The following PCSK2 variants were observed in gnomAD, a reference collection of about 807,000 sequenced individuals.
PCSK2 encodes proprotein convertase subtilisin/kexin type 2, also known as neuroendocrine convertase 2.
A neutral mutation model predicts 69.7 loss-of-function variants in PCSK2; 14 were observed. The ratio of observed to expected loss-of-function variants is 0.20; its 90% CI spans 0.13 to 0.31. PCSK2 has a LOEUF of 0.31. Among genes scored for constraint, PCSK2 ranks in the 10% least tolerant of loss-of-function variants. The probability of loss-of-function intolerance (pLI) is 1.00; values close to 1 mark genes in which losing one functional copy is unlikely to be tolerated. For synonymous variants in PCSK2, 307 were observed against 320.7 expected (o/e 0.96, Z 0.46); for missense variants, 544 against 842.5 (o/e 0.65, Z 4.39).
intron 5 of PCSK2, among the ~76,000 whole-genome samples, chr20:17,372,239 C>T (rs752495486): frequency 4.6e-4 from 70 of 152,048 alleles, no homozygotes; most frequent in South Asian, 6.2e-4. Context: ...ATTAGCCGGG[C>T]GTGGTGGCAT....
At chr20:17,442,900 C>T (rs2032626510) in intron 8 of PCSK2, among the ~76,000 whole-genome samples, 1 of 152,186 alleles carries the variant, frequency 6.6e-6, no homozygotes, top group Non-Finnish European at 1.5e-5. Flanking sequence ...CTGCAAGTAA[C>T]AGCCACCCTT....
At chr20:17,386,587 C>G (rs1415318053) in intron 5 of PCSK2, among the ~76,000 whole-genome samples, 1 of 152,080 alleles carries the variant, frequency 6.6e-6, no homozygotes, top group Admixed American at 6.6e-5. Context: ...CTAGAGTAAT[C>G]AAACTCATAG....
At chr20:17,440,159 TTCC>T (rs1233491031) in intron 8 of PCSK2, among the ~76,000 whole-genome samples, 6 of 152,338 alleles carry the variant, frequency 3.9e-5, no homozygotes, top group Non-Finnish European at 7.3e-5. Context: ...GATGTCTCCA[TTCC>T]TCACTTTTTG....
intron 8 of PCSK2, among the ~76,000 whole-genome samples, chr20:17,449,244 G>A (rs1016989182): frequency 6.6e-6 from 1 of 152,096 alleles, no homozygotes; most frequent in African/African-American, 2.4e-5. Context: ...GATTAGGGTG[G>A]AGACCCCGCC....
intron 2 of PCSK2, among the ~76,000 whole-genome samples, chr20:17,353,463 C>CAA (rs372975691): frequency 1.5e-4 from 19 of 126,400 alleles, no homozygotes; most frequent in Admixed American, 1.6e-4. Context: ...GACTCCATCA[C>CAA]ACAAAAAAAA....
At chr20:17,385,345 ATAT>A (rs941390585) in intron 5 of PCSK2, among the ~76,000 whole-genome samples, 3 of 152,214 alleles carry the variant, frequency 2.0e-5, no homozygotes, top group Non-Finnish European at 4.4e-5. Flanking sequence ...AAACTGCTGA[ATAT>A]CTTGGGGGCA....
chr20:17,387,563 A>C, intron 5 of PCSK2, among the ~76,000 whole-genome samples: 1 of 152,304 alleles, frequency 6.6e-6, no homozygotes, highest in South Asian at 2.1e-4. Flanking sequence ...TCCTCATGAC[A>C]TGATAGCTGA....
rs1259930014 is a variant in PCSK2, at chr20:17,482,024, A to G, written c.1871A>G (p.Asp624Gly). 1 of 1,610,386 alleles carries G rather than the reference A, an allele frequency of 6.2e-7. No individual in the cohort carries two copies. The highest frequency in any genetic ancestry group is 8.5e-7 in the Non-Finnish European group (1 of 1,179,064). Residue 624 changes from aspartate to glycine, a missense_variant, in exon 12 of 12, where the codon GAC becomes GGC. This residue lies in a region of PCSK2 where 200 missense variants were observed against 287.8 expected (regional missense o/e 0.69). Coordinates refer to ENST00000262545, the MANE Select transcript of PCSK2 (RefSeq NM_002594.5). ...SKKEELEEEL[D>G]EAVERSLKSI... ...AAAGAGGAGCTGGAGGAAGAGCTGG[A>G]CGAAGCCGTGGAGAGAAGCCTGAAA...
chr20:17,351,936 A>T (rs781253903), intron 2 of PCSK2, among the ~76,000 whole-genome samples: 1 of 152,198 alleles, frequency 6.6e-6, no homozygotes, highest in Non-Finnish European at 1.5e-5. Context: ...ATATGATTCT[A>T]TACCTAGAAA....
chr20:17,434,612 A>G (rs893269379), intron 7 of PCSK2, among the ~76,000 whole-genome samples: 19 of 152,178 alleles, frequency 1.2e-4, no homozygotes, highest in Non-Finnish European at 2.5e-4. Flanking sequence ...TAAGAGCTGC[A>G]AAGAGGAAGA....
chr20:17,297,240 A>G (rs77126080), intron 2 of PCSK2, among the ~76,000 whole-genome samples: 12,564 of 152,262 alleles, frequency 0.083, 698 homozygotes, highest in South Asian at 0.28. Context: ...GAACAGTGCC[A>G]GACAGAGACG....
chr20:17,396,958 G>T (rs749312313), intron 5 of PCSK2, among the ~76,000 whole-genome samples: 133 of 152,302 alleles, frequency 8.7e-4, no homozygotes, highest in Admixed American at 5.1e-3. Context: ...TTCTAGGGCA[G>T]TTGCCTAAGT....
intron 6 of PCSK2, among the ~76,000 whole-genome samples, chr20:17,412,109 GA>G (rs1449221769): frequency 1.3e-5 from 2 of 152,134 alleles, no homozygotes; most frequent in African/African-American, 4.8e-5. Flanking sequence ...TCTAAAAAAC[GA>G]GTGCCTCTTC....
At chr20:17,343,491 C>T (rs1397153515) in intron 2 of PCSK2, among the ~76,000 whole-genome samples, 1 of 152,232 alleles carries the variant, frequency 6.6e-6, no homozygotes, top group East Asian at 1.9e-4. Context: ...CTCACTTCTC[C>T]AGCATGAATA....
chr20:17,432,979 C>T (rs1004490522), intron 7 of PCSK2, among the ~76,000 whole-genome samples: 10 of 152,262 alleles, frequency 6.6e-5, no homozygotes, highest in Non-Finnish European at 1.2e-4. Flanking sequence ...GGACAAGAGG[C>T]GCCTGAGGGT....
At chr20:17,376,773 T>TGTGTACTTTGTAA (rs2030940095) in intron 5 of PCSK2, among the ~76,000 whole-genome samples, 1 of 152,248 alleles carries the variant, frequency 6.6e-6, no homozygotes. Context: ...TGTAAGGAAG[T>TGTGTACTTTGTAA]GTGTACTTTG....
intron 5 of PCSK2, among the ~76,000 whole-genome samples, chr20:17,374,450 C>T (rs1038552691): frequency 4.6e-5 from 7 of 152,220 alleles, no homozygotes; most frequent in Middle Eastern, 3.4e-3. Context: ...TGGGGTAGAA[C>T]GTCTCCTGCT....
rs2033080712 is a variant in PCSK2, at chr20:17,465,270, CCT to C, written c.1203-50_1203-49del. On this transcript the variant is annotated intron_variant, in intron 10 of 11. Transcript: ENST00000262545. ...TTCTCTTAATCATTGTGCCTCTCTC[CCT>C]CTCTCACCCTGCCTTTTGCCCTTGC... 3.4e-6 allele frequency: 4 copies of C among 1,184,290 alleles called. No homozygotes were observed. In the Admixed American group the frequency reaches 5.4e-5, roughly 16 times the overall value. The allele number at this position is 1,184,290 out of a possible 1,614,324, so 73.4% of individuals were successfully genotyped here.
chr20:17,258,629 C>T (rs1005308882), intron 1 of PCSK2, among the ~76,000 whole-genome samples: 5 of 152,234 alleles, frequency 3.3e-5, no homozygotes, highest in South Asian at 2.1e-4. Flanking sequence ...CCCCATGACA[C>T]GTGTTTACCT....
Sources: gnomAD v4.1 joint callset for allele counts (sites outside exome capture counted in the v4.1 genomes callset) on GRCh38, gnomAD v4.1.1 for gene constraint, gnomAD v4.1.1 regional missense constraint, MANE v1.5 for transcripts, NCBI Gene and HGNC (gene_info 2026-07-23, HGNC 2026-07-21) for gene names.